Variants in MYO1D observed in about 807,000 individuals in gnomAD.
The protein encoded by MYO1D is myosin ID.
In MYO1D, 83 loss-of-function variants were observed where a neutral mutation model predicts 122.0. The ratio of observed to expected loss-of-function variants is 0.68; its 90% CI spans 0.57 to 0.82. The LOEUF is 0.82. Ranked by LOEUF, MYO1D falls within the 40% of genes least tolerant of loss-of-function variation. The probability of loss-of-function intolerance (pLI) is 0.00; values close to 1 mark genes in which losing one functional copy is unlikely to be tolerated. For synonymous variants in MYO1D, 464 were observed against 446.9 expected (o/e 1.04, Z -0.48); for missense variants, 1,157 against 1,269.5 (o/e 0.91, Z 1.35).
At chr17:32,844,360 TATTA>T (rs1318598213) in intron 1 of MYO1D, among the ~76,000 whole-genome samples, 5 of 146,974 alleles carry the variant, frequency 3.4e-5, no homozygotes, top group Non-Finnish European at 7.5e-5. Context: ...TGTGTATATA[TATTA>T]TATATAGTAT....
intron 21 of MYO1D, among the ~76,000 whole-genome samples, chr17:32,564,032 T>C (rs1597900257): frequency 6.6e-6 from 1 of 152,240 alleles, no homozygotes; most frequent in African/African-American, 2.4e-5. Flanking sequence ...TCTGTAGGGG[T>C]CCAGAAGCCA....
chr17:32,765,541 C>T (rs987129422), intron 7 of MYO1D, among the ~76,000 whole-genome samples: 2 of 152,144 alleles, frequency 1.3e-5, no homozygotes, highest in Admixed American at 6.5e-5. Flanking sequence ...TCACTGCAAG[C>T]TCTGCCTCCT....
chr17:32,744,288 G>A (rs1208772389), intron 13 of MYO1D, among the ~76,000 whole-genome samples: 1 of 152,152 alleles, frequency 6.6e-6, no homozygotes, highest in East Asian at 1.9e-4. Flanking sequence ...GGTCTCTGCT[G>A]AAATGTCACC....
At chr17:32,736,477 C>G (rs1389477387) in intron 14 of MYO1D, among the ~76,000 whole-genome samples, 1 of 152,200 alleles carries the variant, frequency 6.6e-6, no homozygotes, top group Admixed American at 6.5e-5. Context: ...AGCGGAAGGA[C>G]AGAAAGAACT....
rs755189217 is a variant in MYO1D at position 32,811,616 on chromosome 17, C to CTTTTT, written c.96-30837_96-30833dup. ...ACATTTATCTCCCAACCCTCACCCTCTTTTTTTTTTTTTTTTTTTTTTTTT... is the reference window on the plus strand; with the variant it reads ...ACATTTATCTCCCAACCCTCACCCTCTTTTTTTTTTTTTTTTTTTTTTTTTTTTTT... On this transcript the variant is annotated intron_variant, in intron 1 of 21. Transcript: ENST00000318217. Among the ~76,000 whole-genome samples, 25 of 57,538 alleles carry CTTTTT rather than the reference C, an allele frequency of 4.3e-4. 5 individuals carry two copies. The highest frequency in any genetic ancestry group is 6.9e-4 in the African/African-American group (12 of 17,332). 37.7% of individuals were successfully genotyped at this position (57,538 alleles called of 152,430 possible). A position where few individuals can be genotyped will look rare whatever the true frequency, so the allele number is the denominator to read the frequency against.
chr17:32,535,511 G>A (rs1306489568), intron 21 of MYO1D, among the ~76,000 whole-genome samples: 1 of 152,232 alleles, frequency 6.6e-6, no homozygotes. Flanking sequence ...ACTTTGGGAG[G>A]CCAAGGTGGA....
intron 21 of MYO1D, among the ~76,000 whole-genome samples, chr17:32,581,828 C>T (rs1272048415): frequency 9.9e-5 from 15 of 151,924 alleles, no homozygotes; most frequent in African/African-American, 2.2e-4. Flanking sequence ...TGTAGTAGAG[C>T]GATCTCGGCT....
chr17:32,711,338 A>G (rs750605447), intron 16 of MYO1D, among the ~76,000 whole-genome samples: 16 of 152,190 alleles, frequency 1.1e-4, no homozygotes, highest in Non-Finnish European at 2.1e-4. Flanking sequence ...AACATTTTTT[A>G]CTTACAAGAT....
At chr17:32,537,330 A>G (rs1306301226) in intron 21 of MYO1D, among the ~76,000 whole-genome samples, 3 of 152,184 alleles carry the variant, frequency 2.0e-5, no homozygotes, top group Non-Finnish European at 2.9e-5. Context: ...TTTTACTGGA[A>G]CACAGCCATG....
At chr17:32,684,793 G>C (rs559227402) in intron 16 of MYO1D, among the ~76,000 whole-genome samples, 2 of 152,308 alleles carry the variant, frequency 1.3e-5, no homozygotes, top group East Asian at 3.9e-4. Flanking sequence ...GCATCAACTT[G>C]AAAAACTGCT....
chr17:32,766,813 A>C (rs1397644885), intron 7 of MYO1D, among the ~76,000 whole-genome samples: 2 of 152,156 alleles, frequency 1.3e-5, no homozygotes, highest in Non-Finnish European at 2.9e-5. Context: ...AAAACAACAA[A>C]AAATAAAATT....
chr17:32,627,079 C>T (rs2087938409), intron 20 of MYO1D, among the ~76,000 whole-genome samples: 1 of 152,082 alleles, frequency 6.6e-6, no homozygotes, highest in Non-Finnish European at 1.5e-5. Context: ...ACACGCAGAA[C>T]TATAAACATT....
chr17:32,585,095 T>C (rs2087374672), intron 21 of MYO1D, among the ~76,000 whole-genome samples: 1 of 152,256 alleles, frequency 6.6e-6, no homozygotes, highest in African/African-American at 2.4e-5. Flanking sequence ...TTGGGTTGTT[T>C]TCATTTGTCT....
intron 21 of MYO1D, among the ~76,000 whole-genome samples, chr17:32,528,648 C>A (rs921761202): frequency 1.3e-5 from 2 of 152,070 alleles, no homozygotes; most frequent in African/African-American, 4.8e-5. Flanking sequence ...CTGGATTATC[C>A]AGGTGGACCC....
At chr17:32,702,937 C>T (rs2150981715) in intron 16 of MYO1D, among the ~76,000 whole-genome samples, 1 of 152,276 alleles carries the variant, frequency 6.6e-6, no homozygotes, top group African/African-American at 2.4e-5. Flanking sequence ...ATTTAAATTT[C>T]CAAAGAGTTG....
chr17:32,609,383 A>G (rs1470691515), intron 20 of MYO1D, among the ~76,000 whole-genome samples: 1 of 152,244 alleles, frequency 6.6e-6, no homozygotes, highest in Non-Finnish European at 1.5e-5. Context: ...TGGTAGGGAC[A>G]GACGTGCAGA....
chr17:32,622,426 T>A (rs553790633), intron 20 of MYO1D, among the ~76,000 whole-genome samples: 10 of 152,276 alleles, frequency 6.6e-5, no homozygotes, highest in African/African-American at 2.2e-4. Context: ...CCATGGAGTC[T>A]ATGTTCTAAT....
intron 15 of MYO1D, among the ~76,000 whole-genome samples, chr17:32,713,282 CA>C (rs1182457493): frequency 7.2e-5 from 11 of 151,980 alleles, no homozygotes; most frequent in Non-Finnish European, 1.6e-4. Flanking sequence ...CTAGCTGTTC[CA>C]ACACTATTAA....
intron 20 of MYO1D, among the ~76,000 whole-genome samples, chr17:32,623,713 A>G (rs2087883449): frequency 6.6e-6 from 1 of 152,186 alleles, no homozygotes; most frequent in Admixed American, 6.5e-5. Context: ...AAAATACCAT[A>G]AACTGGTGGC....
Sources: gnomAD v4.1 joint callset for allele counts (sites outside exome capture counted in the v4.1 genomes callset) on GRCh38, gnomAD v4.1.1 for gene constraint, MANE v1.5 for transcripts, NCBI Gene and HGNC (gene_info 2026-07-23, HGNC 2026-07-21) for gene names.